Variants in TIAM2 observed in about 807,000 individuals in gnomAD.
TIAM2 encodes the protein TIAM Rac1 associated GEF 2.
Under a neutral mutation model 152.9 loss-of-function variants are expected in TIAM2, and 80 were observed. The ratio of observed to expected loss-of-function variants is 0.52; its 90% CI spans 0.44 to 0.63. The LOEUF (loss-of-function observed/expected upper bound fraction) is 0.63. Ranked by LOEUF, TIAM2 falls within the 30% of genes least tolerant of loss-of-function variation. TIAM2 has a pLI of 0.00. For missense variants in TIAM2, 1,965 were observed against 2,120.1 expected (o/e 0.93, Z 1.44); for synonymous variants, 804 against 838.0 (o/e 0.96, Z 0.70).
intron 14 of TIAM2, among the ~76,000 whole-genome samples, chr6:155,202,697 G>A (rs531292286): frequency 4.1e-4 from 62 of 150,774 alleles, no homozygotes; most frequent in South Asian, 2.1e-4. Context: ...CAAAGTTCTC[G>A]GATTATAGGC....
At position 155,104,037 on chromosome 6, in the gene TIAM2, CACA is replaced by C. The variant is rs1209893064; in HGVS notation, c.-118+13659_-118+13661del. Among the ~76,000 whole-genome samples the C allele has an allele frequency of 2.9e-3, 280 of 98,182 alleles. 12 individuals are homozygous for C. Among genetic ancestry groups the C allele is most frequent in the African/African-American group, 0.014 (245 of 17,454 alleles). 64.4% of individuals were successfully genotyped at this position (98,182 alleles called of 152,430 possible). ...TTCTTCTGTATTTACCTCACACACA[CACA>C]CCCCCCCCCCCACACCCCCACACAC... On this transcript the variant is annotated intron_variant, in intron 2 of 26. Transcript: ENST00000682666.
chr6:155,070,205 CA>C (rs992499015), intron 1 of TIAM2, among the ~76,000 whole-genome samples: 1 of 129,536 alleles, frequency 7.7e-6, no homozygotes, highest in Non-Finnish European at 1.5e-5. Flanking sequence ...CGCGCCTGGC[CA>C]GACTTTTTTT....
In TIAM2 at chr6:155,165,301, A is replaced by G. The variant is rs1410441019; in HGVS notation, c.2253A>G (p.Thr751=). Residue 751 remains threonine, a synonymous_variant, in exon 9 of 27, where the codon ACA becomes ACG. Coordinates refer to ENST00000682666, the MANE Select transcript of TIAM2 (RefSeq NM_012454.4). ...SRDDSALRKR[T]LSLTQRGRNK... ...ATGACTCTGCTCTCCGGAAAAGGAC[A>G]CTGTCACTGACCCAGCGAGGGAGAA... The G allele has an allele frequency of 1.9e-6, 3 of 1,614,090 alleles. No homozygotes were observed. Among genetic ancestry groups the G allele is most frequent in the East Asian group, 4.5e-5 (2 of 44,880 alleles).
intron 2 of TIAM2, among the ~76,000 whole-genome samples, chr6:155,121,735 G>A (rs1363246413): frequency 6.6e-6 from 1 of 152,214 alleles, no homozygotes; most frequent in Non-Finnish European, 1.5e-5. Context: ...TCTCTCTGGA[G>A]CGACGTGAAG....
chr6:155,144,856 G>A, intron 6 of TIAM2, 78 bp downstream of exon 6: 4 of 1,463,940 alleles, frequency 2.7e-6, no homozygotes, highest in Non-Finnish European at 3.6e-6. Context: ...GGCAAAACTT[G>A]GAAATGAAAT....
chr6:155,130,091 T>C lies in TIAM2; in HGVS notation c.868T>C (p.Phe290Leu), dbSNP rs772187576. 2 of 1,614,088 alleles carry C rather than the reference T, an allele frequency of 1.2e-6. No individual in the cohort carries two copies. The highest frequency in any genetic ancestry group is 1.7e-6 in the Non-Finnish European group (2 of 1,180,022). The change falls in exon 4 of 27, where the codon TTC becomes CTC. Residue 290 changes from phenylalanine (F) to leucine (L), a missense_variant. Phe to Leu is a conservative substitution (Grantham distance 22). This residue lies in a region of TIAM2 where 1,025 missense variants were observed against 1,119.4 expected (regional missense o/e 0.92). Transcript: ENST00000682666. ...SFPPGDAKKP[F>L]NQSSSLSSLR... ...CCCACCTGGCGATGCCAAAAAGCCTTTCAACCAAAGCTCTTCCCTCTCCTC... is the reference window on the plus strand; with the variant it reads ...CCCACCTGGCGATGCCAAAAAGCCTCTCAACCAAAGCTCTTCCCTCTCCTC...
chr6:155,104,050 C>CACACACA (rs1277534566), intron 2 of TIAM2, among the ~76,000 whole-genome samples: 8 of 87,596 alleles, frequency 9.1e-5, no homozygotes, highest in African/African-American at 4.5e-4. Flanking sequence ...ACCCCCCCCC[C>CACACACA]CACACCCCCA....
intron 1 of TIAM2, among the ~76,000 whole-genome samples, chr6:155,018,473 G>C (rs1014737309): frequency 1.3e-5 from 2 of 151,232 alleles, no homozygotes; most frequent in Non-Finnish European, 2.9e-5. Flanking sequence ...TCAAAAATTA[G>C]CCAGGCATGG....
chr6:155,197,540 G>A (rs1287696304), intron 14 of TIAM2, among the ~76,000 whole-genome samples: 1 of 152,090 alleles, frequency 6.6e-6, no homozygotes, highest in Non-Finnish European at 1.5e-5. Context: ...CTTTGACCTT[G>A]AATGTATTGG....
chr6:155,252,882 T>A (rs898331712), intron 23 of TIAM2, 66 bp from the exon 24 acceptor site: 2 of 1,423,016 alleles, frequency 1.4e-6, no homozygotes, highest in African/African-American at 2.8e-5. Flanking sequence ...TTCTATTCAC[T>A]GTGCACACAT....
intron 2 of TIAM2, among the ~76,000 whole-genome samples, chr6:155,100,224 A>G (rs998681248): frequency 6.6e-6 from 1 of 152,144 alleles, no homozygotes; most frequent in Non-Finnish European, 1.5e-5. Flanking sequence ...TGAGACCTTG[A>G]CTCACAGTAG....
chr6:155,036,844 CT>C (rs1316229429), intron 1 of TIAM2, among the ~76,000 whole-genome samples: 2 of 56,794 alleles, frequency 3.5e-5, no homozygotes, highest in African/African-American at 7.3e-5. Flanking sequence ...TCTCGAACTC[CT>C]GACCTCAGGT....
chr6:155,021,355 G>A (rs563334927), intron 1 of TIAM2, among the ~76,000 whole-genome samples: 7 of 152,120 alleles, frequency 4.6e-5, no homozygotes, highest in South Asian at 2.1e-4. Context: ...TCTGCCTCCC[G>A]GGTTAAATCG....
rs111817756 is a variant in TIAM2 at position 155,083,344 on chromosome 6, A to C, written c.-208-6945A>C. ...AGTCTGGGCAACAGAGTGAGACTTTATCTCAAAAAAAAAAAAAAAAAAAAG... is the reference window on the plus strand; with the variant it reads ...AGTCTGGGCAACAGAGTGAGACTTTCTCTCAAAAAAAAAAAAAAAAAAAAG... On this transcript the variant is annotated intron_variant, in intron 1 of 26. Transcript: ENST00000682666. 1.6e-4 allele frequency among the ~76,000 whole-genome samples: 20 copies of C among 122,554 alleles called. 3 individuals carry two copies. Among genetic ancestry groups the C allele is most frequent in the African/African-American group, 6.1e-4 (20 of 32,764 alleles). 80.4% of individuals were successfully genotyped at this position (122,554 alleles called of 152,430 possible). A position where few individuals can be genotyped will look rare whatever the true frequency, so the allele number is the denominator to read the frequency against.
chr6:155,220,769 T>A (rs974777586), intron 15 of TIAM2, among the ~76,000 whole-genome samples: 1 of 152,222 alleles, frequency 6.6e-6, no homozygotes, highest in South Asian at 2.1e-4. Flanking sequence ...TACCTCTTTT[T>A]AAAATTATTA....
intron 1 of TIAM2, among the ~76,000 whole-genome samples, chr6:155,025,863 C>G (rs150309198): frequency 0.03 from 3,838 of 128,542 alleles, 172 homozygotes; most frequent in African/African-American, 0.11. Context: ...CACACACACA[C>G]ACACACACAC....
chr6:155,141,346 T>C (rs564911004), intron 5 of TIAM2, among the ~76,000 whole-genome samples: 62 of 152,250 alleles, frequency 4.1e-4, no homozygotes, highest in African/African-American at 1.5e-3. Flanking sequence ...GTTGTAATGT[T>C]TGGACTTAAC....
chr6:155,052,051 A>G (rs1777331371), intron 1 of TIAM2, among the ~76,000 whole-genome samples: 1 of 152,182 alleles, frequency 6.6e-6, no homozygotes, highest in Non-Finnish European at 1.5e-5. Context: ...ATTTAGAGGT[A>G]GCTTCCAAAA....
intron 22 of TIAM2, among the ~76,000 whole-genome samples, chr6:155,251,576 C>T (rs945525623): frequency 5.3e-5 from 8 of 152,164 alleles, no homozygotes; most frequent in Admixed American, 6.5e-5. Flanking sequence ...CATTAGCCAC[C>T]GTGCCTGGCC....
Sources: allele counts gnomAD v4.1 joint callset (sites outside exome capture counted in the v4.1 genomes callset), GRCh38; gene constraint gnomAD v4.1.1; regional missense constraint gnomAD v4.1.1; transcripts MANE v1.5; gene names NCBI Gene and HGNC (gene_info 2026-07-23, HGNC 2026-07-21).